The following PEX14 variants were observed in gnomAD, a reference collection of about 807,000 sequenced individuals.
PEX14 encodes the protein peroxisomal membrane protein PEX14.
In PEX14, 15 loss-of-function variants were observed where a neutral mutation model predicts 49.5. That is an observed-to-expected ratio of 0.30 (90% confidence interval 0.20 to 0.47). PEX14 has a LOEUF of 0.47. Ranked by LOEUF, PEX14 falls within the 20% of genes least tolerant of loss-of-function variation. PEX14 has a pLI of 1.00. For missense variants in PEX14, 398 were observed against 494.8 expected, an observed-to-expected ratio of 0.80 and a Z score of 1.86; for synonymous variants, 210 against 212.7, an observed-to-expected ratio of 0.99 and a Z score of 0.11.
At chr1:10,571,316 C>T (rs1639970985) in intron 3 of PEX14, among the ~76,000 whole-genome samples, 1 of 116,626 alleles carries the variant, frequency 8.6e-6, no homozygotes, top group Non-Finnish European at 1.7e-5. Context: ...TGCCTTTAAG[C>T]TTTTCTGTAT....
At chr1:10,491,823 G>T (rs1302009213) in intron 1 of PEX14, among the ~76,000 whole-genome samples, 1 of 151,192 alleles carries the variant, frequency 6.6e-6, no homozygotes, top group African/African-American at 2.4e-5. Flanking sequence ...TGGGACTACA[G>T]GCATGCACCA....
rs1438272685 is a variant in PEX14 at position 10,529,323 on chromosome 1, G to T, written c.85-6890G>T. On this transcript the variant is annotated intron_variant, in intron 2 of 8. Transcript: ENST00000356607. The surrounding 1 kb of genome is among the most constrained non-coding windows in gnomAD (Gnocchi z 4.2). ...CATCAGCAGCTCTGCTTTTCAAGCT[G>T]TGCTCCTCCACTGCACCAGCGCCCT... is the stretch of plus-strand genomic sequence containing the variant. Among the ~76,000 whole-genome samples, 14 of 152,198 alleles carry T rather than the reference G, an allele frequency of 9.2e-5. No individual in the cohort carries two copies. The highest frequency in any genetic ancestry group is 9.2e-4 in the Admixed American group (14 of 15,278).
Position 10,511,274 on chromosome 1 carries a change from T to A in PEX14, c.84+15953T>A, listed in dbSNP as rs186643388. ...ATCTCCTGTTTTTTCTAATCTTTTA[T>A]ATTTCTATTTTCTCCTTTCTTTTCA... On this transcript the variant is annotated intron_variant, in intron 2 of 8. Transcript: ENST00000356607. Among the ~76,000 whole-genome samples, 11 of 152,362 alleles carry A rather than the reference T, an allele frequency of 7.2e-5. No individual in the cohort carries two copies. In the East Asian group the frequency reaches 2.1e-3, roughly 29 times the overall value.
chr1:10,575,468 T>C (rs545605425), intron 3 of PEX14, among the ~76,000 whole-genome samples: 53 of 152,298 alleles, frequency 3.5e-4, no homozygotes, highest in Middle Eastern at 6.8e-3. Context: ...GGTACATTTA[T>C]AAAAAGTTGT....
chr1:10,543,204 G>C (rs1639069747), intron 3 of PEX14, among the ~76,000 whole-genome samples: 1 of 152,192 alleles, frequency 6.6e-6, no homozygotes, highest in Non-Finnish European at 1.5e-5. Flanking sequence ...GCACAATCTC[G>C]ACTCACTGCA....
chr1:10,505,724 AG>A (rs1641771036), intron 2 of PEX14, among the ~76,000 whole-genome samples: 1 of 145,860 alleles, frequency 6.9e-6, no homozygotes, highest in African/African-American at 2.6e-5. Context: ...TCCGTTGCCC[AG>A]GCTGGAGTGC....
At chr1:10,499,315 C>T (rs931647218) in intron 2 of PEX14, among the ~76,000 whole-genome samples, 2 of 152,172 alleles carry the variant, frequency 1.3e-5, no homozygotes, top group African/African-American at 4.8e-5. Context: ...TGCTCTTTGA[C>T]ACCAAGTTCT....
intron 2 of PEX14, among the ~76,000 whole-genome samples, chr1:10,508,373 AT>A (rs1570173500): frequency 6.6e-6 from 1 of 151,890 alleles, no homozygotes. Flanking sequence ...TGCCCTGCTA[AT>A]TTTTTTGTAT....
At position 10,512,871 on chromosome 1, in the gene PEX14, G is replaced by A. The variant is rs1450793500; in HGVS notation, c.84+17550G>A. Among the ~76,000 whole-genome samples, 2 of 152,014 alleles carry A rather than the reference G, an allele frequency of 1.3e-5. No homozygotes were observed. The highest frequency in any genetic ancestry group is 2.9e-5 in the Non-Finnish European group (2 of 68,000). On this transcript the variant is annotated intron_variant, in intron 2 of 8. Transcript: ENST00000356607. This position sits in a 1 kb window ranked among gnomAD's most constrained non-coding sequence, Gnocchi z 4.6. ...TGCCACCACGCCCGGCTAATTTTTT[G>A]TATTTTTAGTAGAGATGAGGTTTCA... is the stretch of plus-strand genomic sequence containing the variant.
At chr1:10,500,466 G>A (rs946182868) in intron 2 of PEX14, among the ~76,000 whole-genome samples, 1 of 151,724 alleles carries the variant, frequency 6.6e-6, no homozygotes, top group East Asian at 1.9e-4. Flanking sequence ...TGTATTCCTG[G>A]CACAGTCTCC....
intron 7 of PEX14, among the ~76,000 whole-genome samples, chr1:10,626,514 A>G (rs1641748541): frequency 6.6e-6 from 1 of 152,052 alleles, no homozygotes; most frequent in Non-Finnish European, 1.5e-5. Context: ...GCAGCCCCCG[A>G]CCCCACGTCA....
At chr1:10,561,754 T>A (rs1639658778) in intron 3 of PEX14, among the ~76,000 whole-genome samples, 1 of 152,254 alleles carries the variant, frequency 6.6e-6, no homozygotes, top group African/African-American at 2.4e-5. Context: ...TTCAACTGAC[T>A]GTTTCTCTGG....
chr1:10,512,046 G>A lies in PEX14; in HGVS notation c.84+16725G>A, dbSNP rs1419428748. On this transcript the variant is annotated intron_variant, in intron 2 of 8. Transcript: ENST00000356607. This position sits in a 1 kb window ranked among gnomAD's most constrained non-coding sequence, Gnocchi z 4.6. ...ATAATCTTGGCTCACTGCACGCTCC[G>A]CCTCCCGGGTTTACGCCATTCTCCT... 2.0e-5 allele frequency among the ~76,000 whole-genome samples: 3 copies of A among 152,068 alleles called. No individual in the cohort carries two copies. The highest frequency in any genetic ancestry group is 2.4e-5 in the African/African-American group (1 of 41,398).
chr1:10,503,996 A>G lies in PEX14; in HGVS notation c.84+8675A>G, dbSNP rs541007145. Among the ~76,000 whole-genome samples, 98 of 152,266 alleles carry G rather than the reference A, an allele frequency of 6.4e-4. 1 individual carries two copies. The highest frequency in any genetic ancestry group is 2.1e-3 in the African/African-American group (88 of 41,546). ...TGATCCACCCGCCTCGGCCTCCCAA[A>G]GTGCTGGGATTACAGGTGTGAGCCA... On this transcript the variant is annotated intron_variant, in intron 2 of 8. Transcript: ENST00000356607.
intron 3 of PEX14, among the ~76,000 whole-genome samples, chr1:10,562,820 T>C (rs941398370): frequency 6.6e-5 from 10 of 152,196 alleles, no homozygotes; most frequent in African/African-American, 1.9e-4. Flanking sequence ...TTGCTAATGA[T>C]TCCTCACTGA....
At chr1:10,569,635 G>A (rs1054442134) in intron 3 of PEX14, among the ~76,000 whole-genome samples, 4 of 152,186 alleles carry the variant, frequency 2.6e-5, no homozygotes, top group Admixed American at 2.6e-4. Flanking sequence ...GAGAAGGTGT[G>A]CATGGGAGGT....
chr1:10,533,804 C>T (rs543892950), intron 2 of PEX14, among the ~76,000 whole-genome samples: 10 of 152,148 alleles, frequency 6.6e-5, no homozygotes, highest in East Asian at 3.9e-4. Flanking sequence ...TTGCATTGTC[C>T]GATGGATCCG....
At chr1:10,492,679 C>G (rs1641492082) in intron 1 of PEX14, among the ~76,000 whole-genome samples, 2 of 152,194 alleles carry the variant, frequency 1.3e-5, no homozygotes, top group Non-Finnish European at 2.9e-5. Context: ...TCTAAATAAT[C>G]CATTCAGCTG....
chr1:10,619,898 G>A (rs964225477), intron 5 of PEX14, among the ~76,000 whole-genome samples: 1 of 151,768 alleles, frequency 6.6e-6, no homozygotes, highest in Non-Finnish European at 1.5e-5. Context: ...ACTTGATCAC[G>A]AGGTCAGTAG....
Sources: gnomAD v4.1 joint callset for allele counts (sites outside exome capture counted in the v4.1 genomes callset) on GRCh38, gnomAD v4.1.1 for gene constraint, Gnocchi (gnomAD v3.1) non-coding constraint, MANE v1.5 for transcripts, NCBI Gene and HGNC (gene_info 2026-07-23, HGNC 2026-07-21) for gene names.